Variants in HELZ observed in about 807,000 individuals in gnomAD.
HELZ encodes the protein ATP-dependent RNA helicase with zinc finger domain.
Under a neutral mutation model 218.2 loss-of-function variants are expected in HELZ, and 23 were observed. The observed-to-expected ratio is 0.11, with a 90% CI of 0.08 to 0.15. HELZ has a LOEUF of 0.15. HELZ is among the 10% of genes least tolerant of loss of function. The probability of loss-of-function intolerance (pLI) is 1.00; values close to 1 mark genes in which losing one functional copy is unlikely to be tolerated. For missense variants in HELZ, 1,813 were observed against 2,353.7 expected (o/e 0.77, Z 4.75); for synonymous variants, 814 against 829.4 (o/e 0.98, Z 0.32).
intron 15 of HELZ, among the ~76,000 whole-genome samples, chr17:67,163,646 C>A (rs2039054987): frequency 6.6e-6 from 1 of 152,068 alleles, no homozygotes; most frequent in Non-Finnish European, 1.5e-5. Context: ...TCGTGATCCA[C>A]CCACCTCGGC....
At chr17:67,245,384 C>T (rs764482928), upstream of HELZ, 2 of 785,828 alleles carry the variant, frequency 2.5e-6, no homozygotes, top group Non-Finnish European at 3.1e-6. Flanking sequence ...TGAAAATTCA[C>T]CCGCATTTTT....
chr17:67,086,643 T>TATATATATATATAC (rs1567787979), intron 32 of HELZ, among the ~76,000 whole-genome samples, 186 bp downstream of exon 32: 8 of 126,026 alleles, frequency 6.3e-5, no homozygotes, highest in Non-Finnish European at 1.2e-4. Context: ...TATATATATA[T>TATATATATATATAC]ATATATATAT....
upstream of HELZ, chr17:67,245,234 C>CCCCCCGG: frequency 1.0e-6 from 1 of 979,678 alleles, no homozygotes; most frequent in Non-Finnish European, 1.2e-6. Flanking sequence ...TAAAGTGACT[C>CCCCCCGG]CCCCCGGCCC....
rs1158067951 is a variant in HELZ, at chr17:67,167,571, C to G, written c.1656G>C (p.Glu552Asp). ...QKLVQTQGTK[E>D]KVYEATIEEK... ...CTTCAATAGTAGCTTCATAAACCTT[C>G]TCTTTGGTTCCCTGGGTCTGTACTA... The change falls in exon 14 of 33, where the codon GAG becomes GAC. Residue 552 changes from glutamate to aspartate, a missense_variant. By Grantham distance (45) the Glu-to-Asp change is conservative. This residue lies in a region of HELZ where 714 missense variants were observed against 1,029.2 expected (regional missense o/e 0.69). Transcript: ENST00000358691. The G allele has an allele frequency of 6.2e-7, 1 of 1,613,896 alleles. No homozygotes were observed. The highest frequency in any genetic ancestry group is 1.7e-5 in the Admixed American group (1 of 60,020).
At chr17:67,207,932 G>C (rs889341432) in intron 5 of HELZ, among the ~76,000 whole-genome samples, 3 of 152,208 alleles carry the variant, frequency 2.0e-5, no homozygotes, top group African/African-American at 7.2e-5. Context: ...CCAGGAGGCT[G>C]AAGTTGCAGT....
chr17:67,121,414 GA>G (rs1464094021), intron 26 of HELZ, among the ~76,000 whole-genome samples: 27 of 152,196 alleles, frequency 1.8e-4, no homozygotes, highest in African/African-American at 6.5e-4. Flanking sequence ...CTGTCTGGAA[GA>G]AATAACTGCT....
Position 67,074,549 on chromosome 17 carries a change from T to A in HELZ, c.*3703A>T, listed in dbSNP as rs1394728311. ...TCTAGCTAAGGGGGCTAGAGAAACATCTTTTACGTCTGCAGCTTTGCTCTT... is the reference window on the plus strand; with the variant it reads ...TCTAGCTAAGGGGGCTAGAGAAACAACTTTTACGTCTGCAGCTTTGCTCTT... On this transcript the variant is annotated 3_prime_UTR_variant, in exon 33 of 33. Transcript: ENST00000358691. The A allele has an allele frequency of 6.6e-6, 1 of 152,140 alleles. No homozygotes were observed. The highest frequency in any genetic ancestry group is 1.5e-5 in the Non-Finnish European group (1 of 67,982). 9.4% of individuals were successfully genotyped at this position (152,140 alleles called of 1,614,324 possible).
chr17:67,143,667 T>A (rs957064428), intron 21 of HELZ, among the ~76,000 whole-genome samples: 1 of 152,146 alleles, frequency 6.6e-6, no homozygotes, highest in Admixed American at 6.5e-5. Context: ...AATTGTACTT[T>A]TTTTTCACCT....
At chr17:67,148,533 C>A in intron 20 of HELZ, 36 bp downstream of exon 20, 1 of 1,583,170 alleles carries the variant, frequency 6.3e-7, no homozygotes, top group Non-Finnish European at 8.6e-7. Flanking sequence ...ATCAGACCAA[C>A]GAAAGTATGA....
rs533412221 is a variant in HELZ at position 67,085,136 on chromosome 17, C to T, written c.5494+1693G>A. ...ACAAACAAACAAAAAAGTGACAAAGCAGCCAGGCATGGTGGCTCATGCCTG... is the reference window on the plus strand; with the variant it reads ...ACAAACAAACAAAAAAGTGACAAAGTAGCCAGGCATGGTGGCTCATGCCTG... On this transcript the variant is annotated intron_variant, in intron 32 of 32. Transcript: ENST00000358691. 7.2e-5 allele frequency among the ~76,000 whole-genome samples: 11 copies of T among 151,894 alleles called. No individual in the cohort carries two copies. In the South Asian group the frequency reaches 2.3e-3, roughly 32 times the overall value.
At chr17:67,215,474 AG>A (rs1372305722) in intron 5 of HELZ, among the ~76,000 whole-genome samples, 1 of 150,934 alleles carries the variant, frequency 6.6e-6, no homozygotes. Context: ...CCAGCCTCCC[AG>A]GTAGCTGGGA....
intron 3 of HELZ, among the ~76,000 whole-genome samples, chr17:67,223,005 T>A (rs1025286711): frequency 6.8e-6 from 1 of 147,716 alleles, no homozygotes; most frequent in African/African-American, 2.5e-5. Flanking sequence ...CCCAGCACTT[T>A]GGGAGGCCGA....
intron 24 of HELZ, among the ~76,000 whole-genome samples, chr17:67,127,690 T>C (rs2037843297): frequency 6.6e-6 from 1 of 151,746 alleles, no homozygotes; most frequent in Admixed American, 6.6e-5. Flanking sequence ...CTACGAAAAA[T>C]ACAAAAGTTA....
At chr17:67,245,505 A>C, upstream of HELZ, 1 of 985,582 alleles carries the variant, frequency 1.0e-6, no homozygotes. Context: ...CCGCGTCTGC[A>C]TTGAATCAAC....
chr17:67,181,346 A>G (rs983815855), intron 12 of HELZ, among the ~76,000 whole-genome samples: 2 of 152,178 alleles, frequency 1.3e-5, no homozygotes, highest in Non-Finnish European at 2.9e-5. Context: ...TCACCTACCT[A>G]ATATACAAAC....
chr17:67,100,232 C>T (rs1421731783), intron 31 of HELZ, among the ~76,000 whole-genome samples: 2 of 152,058 alleles, frequency 1.3e-5, no homozygotes, highest in African/African-American at 2.4e-5. Context: ...TAATTTAAAA[C>T]AAGAGTTGTT....
rs776733388 is a variant in HELZ at position 67,199,737 on chromosome 17, CT to C, written c.429+1391del. ...TAATCCATGGTGACCACCTTCTTTG[CT>C]GTTTTTTGGTATGAACTGGGATACA... On this transcript the variant is annotated intron_variant, in intron 7 of 32. Transcript: ENST00000358691. 4.6e-5 allele frequency among the ~76,000 whole-genome samples: 7 copies of C among 152,294 alleles called. No individual in the cohort carries two copies. The East Asian group carries it at 1.2e-3, about 25-fold the overall frequency.
rs371659847 is a variant in HELZ at position 67,089,647 on chromosome 17, T to TTATATATATATATATATA, written c.5242-2584_5242-2567dup. Among the ~76,000 whole-genome samples, 58 of 54,226 alleles carry TTATATATATATATATATA rather than the reference T, an allele frequency of 1.1e-3. 2 individuals are homozygous for TTATATATATATATATATA. The East Asian group carries it at 0.016, about 15-fold the overall frequency. The allele number at this position is 54,226 out of a possible 152,430, so 35.6% of individuals were successfully genotyped here. ...TTTAAAATTAGATCTATTGGAGATT[T>TTATATATATATATATATA]TATATATATATATATATATATAGAG... is the stretch of plus-strand genomic sequence containing the variant. On this transcript the variant is annotated intron_variant, in intron 31 of 32. Transcript: ENST00000358691.
At chr17:67,218,567 C>T (rs768771337) in intron 4 of HELZ, 28 bp downstream of exon 4, 1 of 1,520,694 alleles carries the variant, frequency 6.6e-7, no homozygotes, top group Non-Finnish European at 9.1e-7. Flanking sequence ...CATAGTTCAG[C>T]ATTGGCTTAT....
Sources: gnomAD v4.1 joint callset for allele counts (sites outside exome capture counted in the v4.1 genomes callset) on GRCh38, gnomAD v4.1.1 for gene constraint, gnomAD v4.1.1 regional missense constraint, MANE v1.5 for transcripts, NCBI Gene and HGNC (gene_info 2026-07-23, HGNC 2026-07-21) for gene names.